The following CNTNAP5 variants were observed in gnomAD, a reference collection of about 807,000 sequenced individuals.
The protein encoded by CNTNAP5 is contactin associated protein family member 5.
A neutral mutation model predicts 150.2 loss-of-function variants in CNTNAP5; 72 were observed. That is an observed-to-expected ratio of 0.48 (90% confidence interval 0.40 to 0.58). The LOEUF is 0.58. Among genes scored for constraint, CNTNAP5 ranks in the 20% least tolerant of loss-of-function variants. The pLI, the probability that CNTNAP5 is intolerant of heterozygous loss-of-function variation, is 0.00. For synonymous variants in CNTNAP5, 672 were observed against 619.8 expected (o/e 1.08, Z -1.25); for missense variants, 1,636 against 1,626.2 (o/e 1.01, Z -0.10).
Position 124,504,385 on chromosome 2 carries a change from C to A in CNTNAP5, c.1156C>A (p.Gln386Lys), listed in dbSNP as rs762674927. ...CTATTTGCTGCTGCCCGGCACCCCCCAAATTGATGGGCTCTCAGTGAGTTT... is the reference window on the plus strand; with the variant it reads ...CTATTTGCTGCTGCCCGGCACCCCCAAAATTGATGGGCTCTCAGTGAGTTT... ...GSYLLLPGTP[Q>K]IDGLSVSFQF... Residue 386 changes from glutamine to lysine, a missense_variant, in exon 8 of 24, where the codon CAA becomes AAA. Physicochemically the swap from Gln to Lys is moderately conservative, Grantham distance 53. Coordinates refer to ENST00000682447, the MANE Select transcript of CNTNAP5 (RefSeq NM_001367498.1). 14 of 1,613,952 alleles carry A rather than the reference C, an allele frequency of 8.7e-6. No homozygotes were observed. The South Asian group carries it at 1.3e-4, about 15-fold the overall frequency.
chr2:124,323,282 G>A (rs1689141722), intron 3 of CNTNAP5, among the ~76,000 whole-genome samples: 1 of 152,144 alleles, frequency 6.6e-6, no homozygotes, highest in South Asian at 2.1e-4. Context: ...TTATCTCATA[G>A]CATCTCCAGT....
At chr2:124,374,139 A>G (rs867696931) in intron 3 of CNTNAP5, among the ~76,000 whole-genome samples, 1 of 152,096 alleles carries the variant, frequency 6.6e-6, no homozygotes, top group African/African-American at 2.4e-5. Flanking sequence ...AAATTCTTAG[A>G]TTTTAAGTAC....
At chr2:124,450,894 G>A (rs529547569) in intron 6 of CNTNAP5, among the ~76,000 whole-genome samples, 1 of 150,706 alleles carries the variant, frequency 6.6e-6, no homozygotes, top group African/African-American at 2.4e-5. Context: ...GGAGTCAGGC[G>A]TGGTGTTTTT....
intron 19 of CNTNAP5, among the ~76,000 whole-genome samples, chr2:124,811,624 T>A (rs575251410): frequency 6.1e-4 from 91 of 149,714 alleles, no homozygotes; most frequent in African/African-American, 2.2e-3. Flanking sequence ...AAGGAATGAA[T>A]GAACAATGCA....
intron 11 of CNTNAP5, among the ~76,000 whole-genome samples, chr2:124,570,288 G>T (rs1359894377): frequency 1.3e-5 from 2 of 152,188 alleles, no homozygotes; most frequent in Non-Finnish European, 2.9e-5. Flanking sequence ...CAAAATAATT[G>T]ACCTTTTAGC....
intron 3 of CNTNAP5, among the ~76,000 whole-genome samples, chr2:124,344,734 T>C (rs1266858199): frequency 2.0e-5 from 3 of 152,102 alleles, no homozygotes; most frequent in Non-Finnish European, 4.4e-5. Context: ...GCAGCACGGG[T>C]GACAGAGTGA....
At position 124,914,502 on chromosome 2, in the gene CNTNAP5, G is replaced by A. The variant is rs556696808; in HGVS notation, c.*214G>A. On this transcript the variant is annotated 3_prime_UTR_variant, in exon 24 of 24. Transcript: ENST00000682447. ...TGCCTTCCTCTCTGATGAACCTATCGGGTGAAAACGACCACTCAAGAGACT... is the reference window on the plus strand; with the variant it reads ...TGCCTTCCTCTCTGATGAACCTATCAGGTGAAAACGACCACTCAAGAGACT... The A allele has an allele frequency of 6.4e-5, 34 of 532,694 alleles. No individual in the cohort carries two copies. Among genetic ancestry groups the A allele is most frequent in the South Asian group, 4.4e-4 (19 of 43,432 alleles). The allele number at this position is 532,694 out of a possible 1,614,324, so 33.0% of individuals were successfully genotyped here.
intron 18 of CNTNAP5, among the ~76,000 whole-genome samples, chr2:124,795,596 C>T (rs1681827565): frequency 6.6e-6 from 1 of 152,168 alleles, no homozygotes; most frequent in South Asian, 2.1e-4. Context: ...CAGCTCACTG[C>T]AACTCACGCC....
At chr2:124,444,685 AG>A (rs2104804280) in intron 5 of CNTNAP5, among the ~76,000 whole-genome samples, 1 of 152,338 alleles carries the variant, frequency 6.6e-6, no homozygotes, top group South Asian at 2.1e-4. Flanking sequence ...TTCTTAAAAA[AG>A]GTGTAAACTG....
intron 19 of CNTNAP5, among the ~76,000 whole-genome samples, chr2:124,825,597 A>C (rs1682576457): frequency 6.6e-6 from 1 of 152,154 alleles, no homozygotes; most frequent in Non-Finnish European, 1.5e-5. Context: ...TCCTGCTTGG[A>C]TAGGAACTCA....
intron 8 of CNTNAP5, among the ~76,000 whole-genome samples, chr2:124,517,583 G>A (rs1694752855): frequency 6.6e-6 from 1 of 150,510 alleles, no homozygotes; most frequent in Non-Finnish European, 1.5e-5. Flanking sequence ...TGTTGGTGAT[G>A]GAAGATTGTG....
intron 1 of CNTNAP5, among the ~76,000 whole-genome samples, chr2:124,083,101 A>C (rs1332101204): frequency 6.6e-6 from 1 of 152,202 alleles, no homozygotes; most frequent in Admixed American, 6.5e-5. Context: ...CTGCAATCCC[A>C]GCACTTTGGG....
At chr2:124,905,783 C>T (rs893974450) in intron 22 of CNTNAP5, among the ~76,000 whole-genome samples, 1 of 152,038 alleles carries the variant, frequency 6.6e-6, no homozygotes, top group Non-Finnish European at 1.5e-5. Flanking sequence ...TGGGGTGAAC[C>T]AGGTAGGCAA....
intron 1 of CNTNAP5, among the ~76,000 whole-genome samples, chr2:124,189,648 A>T (rs1685414002): frequency 6.6e-6 from 1 of 152,218 alleles, no homozygotes; most frequent in South Asian, 2.1e-4. Flanking sequence ...AAATTAACCA[A>T]GGAGAAAAAT....
At chr2:124,510,348 A>ATATATATATATCTATCTATATATAT (rs1694545488) in intron 8 of CNTNAP5, among the ~76,000 whole-genome samples, 1 of 68,294 alleles carries the variant, frequency 1.5e-5, no homozygotes, top group African/African-American at 6.2e-5. Context: ...TCCATATGTC[A>ATATATATATATCTATCTATATATAT]ACACACACAC....
At chr2:124,092,666 AGTAG>A (rs1303703572) in intron 1 of CNTNAP5, among the ~76,000 whole-genome samples, 1 of 152,194 alleles carries the variant, frequency 6.6e-6, no homozygotes, top group East Asian at 1.9e-4. Context: ...AATTGTAGGA[AGTAG>A]TTATTTACCT....
chr2:124,696,871 C>T (rs1290173476), intron 13 of CNTNAP5, among the ~76,000 whole-genome samples: 6 of 152,146 alleles, frequency 3.9e-5, no homozygotes, highest in African/African-American at 1.4e-4. Flanking sequence ...TAAAGCAGAT[C>T]TGGTATAGCT....
intron 19 of CNTNAP5, among the ~76,000 whole-genome samples, chr2:124,808,768 T>G (rs1358223705): frequency 6.6e-6 from 1 of 152,100 alleles, no homozygotes; most frequent in African/African-American, 2.4e-5. Flanking sequence ...TGCTGAACAG[T>G]TTTCCTGTTC....
intron 3 of CNTNAP5, among the ~76,000 whole-genome samples, chr2:124,254,589 A>C (rs2104783983): frequency 6.6e-6 from 1 of 152,312 alleles, no homozygotes; most frequent in East Asian, 1.9e-4. Context: ...CCAGAAATTT[A>C]ACAATGACCA....
Sources: gnomAD v4.1 joint callset for allele counts (sites outside exome capture counted in the v4.1 genomes callset) on GRCh38, gnomAD v4.1.1 for gene constraint, MANE v1.5 for transcripts, NCBI Gene and HGNC (gene_info 2026-07-23, HGNC 2026-07-21) for gene names.